The following CCND2 variants were observed in gnomAD, a reference collection of about 807,000 sequenced individuals.
CCND2 encodes the protein cyclin D2.
Under a neutral mutation model 30.2 loss-of-function variants are expected in CCND2, and 6 were observed. The observed-to-expected ratio is 0.20, with a 90% CI of 0.11 to 0.39. The LOEUF is 0.39. CCND2 is among the 10% of genes least tolerant of loss of function. The pLI, the probability that CCND2 is intolerant of heterozygous loss-of-function variation, is 1.00. For synonymous variants in CCND2, 150 were observed against 153.1 expected, an observed-to-expected ratio of 0.98 and a Z score of 0.15; for missense variants, 235 against 373.4, an observed-to-expected ratio of 0.63 and a Z score of 3.06.
chr12:4,277,090 G>T (rs929415344), intron 2 of CCND2, among the ~76,000 whole-genome samples: 4 of 152,210 alleles, frequency 2.6e-5, no homozygotes, highest in Non-Finnish European at 4.4e-5. Context: ...TCTTTGTGAG[G>T]AGCCTTCCTT....
chr12:4,273,835 G>A lies in CCND2; in HGVS notation c.-206G>A. On this transcript the variant is annotated 5_prime_UTR_variant, in exon 1 of 5. Coordinates refer to ENST00000261254, the MANE Select transcript of CCND2 (RefSeq NM_001759.4). The surrounding 1 kb of genome is among the most constrained non-coding windows in gnomAD (Gnocchi z 5.9). The stretch of plus-strand genomic sequence containing the variant: ...GGACCGGTGCGAGTGAGGCAGCCCC[G>A]AGGCTCTGCTCGCCCACCACCCAAT... 1.7e-6 allele frequency: 1 copy of A among 603,490 alleles called. No homozygotes were observed. Among genetic ancestry groups the A allele is most frequent in the South Asian group, 2.0e-5 (1 of 50,454 alleles). 37.4% of individuals were successfully genotyped at this position (603,490 alleles called of 1,614,324 possible).
intron 4 of CCND2, among the ~76,000 whole-genome samples, chr12:4,295,754 G>A (rs1016640341): frequency 2.6e-5 from 4 of 152,234 alleles, no homozygotes; most frequent in Non-Finnish European, 5.9e-5. Flanking sequence ...TCCAGCCTGA[G>A]TGACAGTGAG....
chr12:4,275,513 C>T (rs1219178560), intron 1 of CCND2: 1 of 127,358 alleles, frequency 7.9e-6, no homozygotes, highest in African/African-American at 2.9e-5. Context: ...CCAAAAGCGG[C>T]CCCTGGGCCG....
chr12:4,291,655 C>T (rs1319843989), intron 4 of CCND2, among the ~76,000 whole-genome samples: 1 of 152,090 alleles, frequency 6.6e-6, no homozygotes, highest in Non-Finnish European at 1.5e-5. Flanking sequence ...AAAGAAGGAG[C>T]TCATCAGGCC....
rs3217811 is a variant in CCND2 at position 4,279,158 on chromosome 12, A to C, written c.571+239A>C. The stretch of plus-strand genomic sequence containing the variant: ...TTATGAGGACAGGTGTGGTTAAGGC[A>C]AAAAAAATTAGTGCCTGTTAAAATA... On this transcript the variant is annotated intron_variant, in intron 3 of 4. Transcript: ENST00000261254. Among the ~76,000 whole-genome samples, 962 of 152,082 alleles carry C rather than the reference A, an allele frequency of 6.3e-3. 6 individuals are homozygous for C. Among genetic ancestry groups the C allele is most frequent in the African/African-American group, 0.021 (871 of 41,500 alleles).
Position 4,302,980 on chromosome 12 carries a change from G to A in CCND2, c.*2971G>A, listed in dbSNP as rs1864271024. ...TCTCCTGGGCCCCAAGGAGTCCCACGGAATGGGGAAAGCGGGAACCCTGGA... is the reference window on the plus strand; with the variant it reads ...TCTCCTGGGCCCCAAGGAGTCCCACAGAATGGGGAAAGCGGGAACCCTGGA... On this transcript the variant is annotated 3_prime_UTR_variant, in exon 5 of 5. Transcript: ENST00000261254. The A allele has an allele frequency of 4.3e-6, 1 of 233,172 alleles. No homozygotes were observed. Among genetic ancestry groups the A allele is most frequent in the South Asian group, 1.8e-4 (1 of 5,528 alleles). 14.4% of individuals were successfully genotyped at this position (233,172 alleles called of 1,614,324 possible).
intron 3 of CCND2, among the ~76,000 whole-genome samples, chr12:4,284,218 G>A (rs1863990556): frequency 1.3e-5 from 2 of 152,218 alleles, no homozygotes; most frequent in Non-Finnish European, 2.9e-5. Flanking sequence ...CAGGCACTGT[G>A]CTTTTACAAG....
At position 4,300,873 on chromosome 12, in the gene CCND2, T is replaced by A. The variant is rs1864238633; in HGVS notation, c.*864T>A. On this transcript the variant is annotated 3_prime_UTR_variant, in exon 5 of 5. Coordinates refer to ENST00000261254, the MANE Select transcript of CCND2 (RefSeq NM_001759.4). ...TTTTCTGTTATTGTATTTAAAAGGGTAATGTGGCCTTGGCATTTCTTCTTA... is the reference window on the plus strand; with the variant it reads ...TTTTCTGTTATTGTATTTAAAAGGGAAATGTGGCCTTGGCATTTCTTCTTA... The A allele has an allele frequency of 8.6e-6, 2 of 233,602 alleles. No homozygotes were observed. Among genetic ancestry groups the A allele is most frequent in the African/African-American group, 2.2e-5 (1 of 45,346 alleles). The allele number at this position is 233,602 out of a possible 1,614,324, so 14.5% of individuals were successfully genotyped here.
chr12:4,285,181 G>A lies in CCND2; in HGVS notation c.572-3661G>A. The A allele has an allele frequency of 2.1e-6, 1 of 478,938 alleles. No homozygotes were observed. The highest frequency in any genetic ancestry group is 2.7e-6 in the Non-Finnish European group (1 of 367,548). 29.7% of individuals were successfully genotyped at this position (478,938 alleles called of 1,614,324 possible). On this transcript the variant is annotated intron_variant, in intron 3 of 4. Coordinates refer to ENST00000261254, the MANE Select transcript of CCND2 (RefSeq NM_001759.4). The surrounding 1 kb of genome is among the most constrained non-coding windows in gnomAD (Gnocchi z 4.1). ...CTGAATATTGTACGTTTTGGGGGGA[G>A]TCCTCCATGCTGCCTGGAACAGGGA...
chr12:4,286,965 A>C (rs1214700393), intron 3 of CCND2, among the ~76,000 whole-genome samples: 1 of 152,166 alleles, frequency 6.6e-6, no homozygotes, highest in Non-Finnish European at 1.5e-5. Flanking sequence ...TTGTGTTATG[A>C]ATGTCACAGG....
chr12:4,276,274 C>A lies in CCND2; in HGVS notation c.411+54C>A. 1 of 1,475,146 alleles carries A rather than the reference C, an allele frequency of 6.8e-7. No homozygotes were observed. The highest frequency in any genetic ancestry group is 9.4e-7 in the Non-Finnish European group (1 of 1,068,646). The allele number at this position is 1,475,146 out of a possible 1,614,324, so 91.4% of individuals were successfully genotyped here. On this transcript the variant is annotated intron_variant, in intron 2 of 4. Coordinates refer to ENST00000261254, the MANE Select transcript of CCND2 (RefSeq NM_001759.4). The surrounding 1 kb of genome is among the most constrained non-coding windows in gnomAD (Gnocchi z 4.8). ...TTCTGCGATTCCCGCTTTCCCCTGG[C>A]CAACAATATGCCTTCTATCACCACT...
chr12:4,291,423 A>C, intron 4 of CCND2, among the ~76,000 whole-genome samples: 1 of 152,036 alleles, frequency 6.6e-6, no homozygotes, highest in Non-Finnish European at 1.5e-5. Context: ...TATTTCCTTC[A>C]TTCGTTTCTG....
Position 4,304,431 on chromosome 12 carries a change from T to G in CCND2, c.*4422T>G, listed in dbSNP as rs1234107321. On this transcript the variant is annotated 3_prime_UTR_variant, in exon 5 of 5. Transcript: ENST00000261254. This position sits in a 1 kb window ranked among gnomAD's most constrained non-coding sequence, Gnocchi z 6.2. The stretch of plus-strand genomic sequence containing the variant: ...AGTGCAGGTTTCTATTGGTGTGGAC[T>G]CAGAGCAATTTACAAGAGCTGTTCA... The G allele has an allele frequency of 4.3e-5, 10 of 233,596 alleles. No homozygotes were observed. The allele number at this position is 233,596 out of a possible 1,614,324, so 14.5% of individuals were successfully genotyped here.
At position 4,300,515 on chromosome 12, in the gene CCND2, C is replaced by G. The variant is rs981127158; in HGVS notation, c.*506C>G. 5 of 235,266 alleles carry G rather than the reference C, an allele frequency of 2.1e-5. No homozygotes were observed. The highest frequency in any genetic ancestry group is 8.8e-5 in the African/African-American group (4 of 45,374). The allele number at this position is 235,266 out of a possible 1,614,324, so 14.6% of individuals were successfully genotyped here. A position where few individuals can be genotyped will look rare whatever the true frequency, so the allele number is the denominator to read the frequency against. On this transcript the variant is annotated 3_prime_UTR_variant, in exon 5 of 5. Coordinates refer to ENST00000261254, the MANE Select transcript of CCND2 (RefSeq NM_001759.4). ...ATGGGGAAGGAGTACAAAACAATCT[C>G]TCAACATGATTGAACCATTTGGGAT...
In CCND2 at chr12:4,302,030, G is replaced by A. The variant is rs898224804; in HGVS notation, c.*2021G>A. On this transcript the variant is annotated 3_prime_UTR_variant, in exon 5 of 5. Coordinates refer to ENST00000261254, the MANE Select transcript of CCND2 (RefSeq NM_001759.4). ...CTGGACAAAATCAATAACTACAAAA[G>A]GCAATGATTCACGCTTTTGTTTTCA... 3.2e-5 allele frequency: 7 copies of A among 218,072 alleles called. No individual in the cohort carries two copies. The Admixed American group carries it at 4.1e-4, about 13-fold the overall frequency. The allele number at this position is 218,072 out of a possible 1,614,324, so 13.5% of individuals were successfully genotyped here. A position where few individuals can be genotyped will look rare whatever the true frequency, so the allele number is the denominator to read the frequency against.
rs200396246 is a variant in CCND2, at chr12:4,278,938, C to T, written c.571+19C>T. The T allele has an allele frequency of 1.9e-5, 31 of 1,593,492 alleles. No homozygotes were observed. Among genetic ancestry groups the T allele is most frequent in the East Asian group, 1.4e-4 (6 of 44,304 alleles). Reference sequence around the variant, plus strand: ...GCCACCGGTAAGATGAGGCTTGAGCCGGGGAGGGAGATGGGGGAGCTCTTT... The same window carrying T: ...GCCACCGGTAAGATGAGGCTTGAGCTGGGGAGGGAGATGGGGGAGCTCTTT... On this transcript the variant is annotated intron_variant, in intron 3 of 4. Transcript: ENST00000261254.
Position 4,274,632 on chromosome 12 carries a change from C to A in CCND2, c.195+397C>A, listed in dbSNP as rs994678336. Among the ~76,000 whole-genome samples, 11 of 152,312 alleles carry A rather than the reference C, an allele frequency of 7.2e-5. No homozygotes were observed. Among genetic ancestry groups the A allele is most frequent in the African/African-American group, 1.9e-4 (8 of 41,578 alleles). Reference sequence around the variant, plus strand: ...GACCCCGAGTAGAAAGGCAACCCCCCCCAAAAGGCCAGAGCAAATTCGTCT... The same window carrying A: ...GACCCCGAGTAGAAAGGCAACCCCCACCAAAAGGCCAGAGCAAATTCGTCT... On this transcript the variant is annotated intron_variant, in intron 1 of 4. Coordinates refer to ENST00000261254, the MANE Select transcript of CCND2 (RefSeq NM_001759.4). The surrounding 1 kb of genome is among the most constrained non-coding windows in gnomAD (Gnocchi z 7.7).
At chr12:4,290,577 G>A (rs1037749450) in intron 4 of CCND2, among the ~76,000 whole-genome samples, 3 of 151,904 alleles carry the variant, frequency 2.0e-5, no homozygotes, top group Admixed American at 6.6e-5. Flanking sequence ...AGTTGGAAGC[G>A]GCCACCCCCC....
intron 4 of CCND2, among the ~76,000 whole-genome samples, chr12:4,295,692 G>T (rs952127894): frequency 6.6e-6 from 1 of 152,208 alleles, no homozygotes; most frequent in Admixed American, 6.5e-5. Flanking sequence ...CAGGAGAATT[G>T]CTTGAACCCA....
Sources: allele counts gnomAD v4.1 joint callset (sites outside exome capture counted in the v4.1 genomes callset), GRCh38; gene constraint gnomAD v4.1.1; non-coding constraint Gnocchi (gnomAD v3.1); transcripts MANE v1.5; gene names NCBI Gene and HGNC (gene_info 2026-07-23, HGNC 2026-07-21).